The following TMEM272 variants were observed in gnomAD, a reference collection of about 807,000 sequenced individuals.
TMEM272 encodes the protein transmembrane protein 272.
TMEM272 carries 8 observed loss-of-function variants against 3.7 expected under a neutral mutation model. That is an observed-to-expected ratio of 2.17 (90% CI 1.27 to 3.91). TMEM272 has a LOEUF of 3.91. Ranked by LOEUF, TMEM272 falls within the 30% of genes most tolerant of loss-of-function variation. The pLI, the probability that TMEM272 is intolerant of heterozygous loss-of-function variation, is 0.00. For missense variants in TMEM272, 166 were observed against 91.5 expected, an observed-to-expected ratio of 1.81 and a Z score of -3.32; for synonymous variants, 63 against 39.8, an observed-to-expected ratio of 1.58 and a Z score of -2.20.
chr13:51,859,789 C>G, the TMEM272 span, among the ~76,000 whole-genome samples: 1 of 152,040 alleles, frequency 6.6e-6, no homozygotes, highest in Non-Finnish European at 1.5e-5. Flanking sequence ...TTTTAAGTGT[C>G]CAACTTCAAC....
chr13:51,848,873 T>C (rs1004182696), upstream of TMEM272, among the ~76,000 whole-genome samples: 4 of 152,150 alleles, frequency 2.6e-5, no homozygotes, highest in Non-Finnish European at 5.9e-5. Flanking sequence ...CCCAACAAAT[T>C]AGTTCTATGT....
At chr13:51,882,801 AT>A in the TMEM272 span, among the ~76,000 whole-genome samples, 1 of 152,220 alleles carries the variant, frequency 6.6e-6, no homozygotes, top group African/African-American at 2.4e-5. Flanking sequence ...GGCCAAAAAA[AT>A]AAACACAGTT....
At chr13:51,833,799 A>C (rs1294618947) in intron 2 of TMEM272, among the ~76,000 whole-genome samples, 2 of 152,216 alleles carry the variant, frequency 1.3e-5, no homozygotes, top group African/African-American at 4.8e-5. Flanking sequence ...ACCCTTCCAC[A>C]ATACTGATGT....
In TMEM272 at chr13:51,835,503, C is replaced by T. The variant is rs541581400; in HGVS notation, c.58+2970G>A. ...TCTCCCAAAGTGCTGGGATTACAGG[C>T]GTGAGCCACTGCACCCGGCCAAAAC... is the stretch of plus-strand genomic sequence containing the variant. On this transcript the variant is annotated intron_variant, in intron 2 of 4. Coordinates refer to ENST00000629372, the MANE Select transcript of TMEM272 (RefSeq NM_001351003.2). 7.9e-5 allele frequency among the ~76,000 whole-genome samples: 12 copies of T among 152,252 alleles called. No individual in the cohort carries two copies. In the South Asian group the frequency reaches 2.5e-3, roughly 32 times the overall value.
Position 51,836,539 on chromosome 13 carries a change from G to C in TMEM272, c.58+1934C>G, listed in dbSNP as rs532361443. Among the ~76,000 whole-genome samples, 79 of 152,254 alleles carry C rather than the reference G, an allele frequency of 5.2e-4. No homozygotes were observed. In the South Asian group the frequency reaches 0.016, roughly 30 times the overall value. Reference sequence around the variant, plus strand: ...GATGTTCCCTTGTGTTTGGACAAAGGCTGTGCATTCTTGGCTGGATTACTG... The same window carrying C: ...GATGTTCCCTTGTGTTTGGACAAAGCCTGTGCATTCTTGGCTGGATTACTG... On this transcript the variant is annotated intron_variant, in intron 2 of 4. Transcript: ENST00000629372.
chr13:51,843,297 T>C (rs1027586672), intron 1 of TMEM272, among the ~76,000 whole-genome samples: 5 of 152,208 alleles, frequency 3.3e-5, no homozygotes, highest in African/African-American at 7.2e-5. Flanking sequence ...AATCTGCTTT[T>C]TGATTCACAG....
chr13:51,830,978 AAAGTCTAATGAGGCTCACTCTTGCTCG>A (rs1956168705), intron 2 of TMEM272, among the ~76,000 whole-genome samples: 2 of 151,346 alleles, frequency 1.3e-5, no homozygotes, highest in East Asian at 1.9e-4. Flanking sequence ...ACTCTTGCTT[AAAGTCTAATGAGGCTCACTCTTGCTCG>A]AAGTCTAATG....
the TMEM272 span, among the ~76,000 whole-genome samples, chr13:51,929,317 G>A: frequency 6.6e-6 from 1 of 152,202 alleles, no homozygotes; most frequent in Non-Finnish European, 1.5e-5. Context: ...ATGCATATCT[G>A]AGGCTCTAAA....
intron 2 of TMEM272, among the ~76,000 whole-genome samples, chr13:51,836,281 T>C (rs1956216004): frequency 6.6e-6 from 1 of 152,224 alleles, no homozygotes; most frequent in Non-Finnish European, 1.5e-5. Flanking sequence ...CGGCCTCTCA[T>C]TCTTGGACTT....
the TMEM272 span, chr13:51,908,795 T>C: frequency 6.2e-6 from 9 of 1,440,978 alleles, no homozygotes; most frequent in East Asian, 6.8e-5. Flanking sequence ...CAGGATATGA[T>C]TGTCCTGGTG....
At chr13:51,896,258 C>T in the TMEM272 span, among the ~76,000 whole-genome samples, 7 of 152,184 alleles carry the variant, frequency 4.6e-5, no homozygotes, top group African/African-American at 1.7e-4. Context: ...CCATCGGGGA[C>T]AGCTTGGTGA....
Position 51,816,313 on chromosome 13 carries a change from T to G in TMEM272, c.*438A>C. The G allele has an allele frequency of 1.2e-5, 2 of 161,954 alleles. No individual in the cohort carries two copies. Among genetic ancestry groups the G allele is most frequent in the South Asian group, 1.7e-4 (1 of 5,872 alleles). The allele number at this position is 161,954 out of a possible 1,614,324, so 10.0% of individuals were successfully genotyped here. A position where few individuals can be genotyped will look rare whatever the true frequency, so the allele number is the denominator to read the frequency against. On this transcript the variant is annotated 3_prime_UTR_variant, in exon 5 of 5. Coordinates refer to ENST00000629372, the MANE Select transcript of TMEM272 (RefSeq NM_001351003.2). ...GCGAGTGAAGTTAAGATATATCTTGTGTGAAAGTCTGTGCACTTTCTATAA... is the reference window on the plus strand; with the variant it reads ...GCGAGTGAAGTTAAGATATATCTTGGGTGAAAGTCTGTGCACTTTCTATAA...
the TMEM272 span, among the ~76,000 whole-genome samples, chr13:51,910,824 C>A: frequency 6.6e-6 from 1 of 152,206 alleles, no homozygotes; most frequent in Non-Finnish European, 1.5e-5. Context: ...CACCCCAGCC[C>A]CCTTGTTACA....
chr13:51,848,037 G>A (rs1956314873), upstream of TMEM272, among the ~76,000 whole-genome samples: 1 of 152,168 alleles, frequency 6.6e-6, no homozygotes, highest in Admixed American at 6.5e-5. Context: ...GACTCCAAAG[G>A]TAATGATAAA....
At chr13:51,871,125 C>G in the TMEM272 span, among the ~76,000 whole-genome samples, 1 of 152,062 alleles carries the variant, frequency 6.6e-6, no homozygotes, top group Non-Finnish European at 1.5e-5. Context: ...CTTGGACCAT[C>G]CCCACCCACA....
the TMEM272 span, among the ~76,000 whole-genome samples, chr13:51,887,317 T>C: frequency 2.6e-5 from 4 of 152,332 alleles, no homozygotes; most frequent in South Asian, 4.1e-4. Flanking sequence ...AGCAATTACC[T>C]GAGCACTGCT....
At chr13:51,924,272 G>A in the TMEM272 span, among the ~76,000 whole-genome samples, 6 of 152,214 alleles carry the variant, frequency 3.9e-5, no homozygotes, top group South Asian at 1.2e-3. Flanking sequence ...CACCCCCTCA[G>A]GCCTGGCTTA....
At chr13:51,822,528 G>T (rs951324437) in intron 3 of TMEM272, among the ~76,000 whole-genome samples, 4 of 152,168 alleles carry the variant, frequency 2.6e-5, no homozygotes, top group Non-Finnish European at 5.9e-5. Context: ...CTTAAAATAA[G>T]GTTCAATTTA....
the TMEM272 span, among the ~76,000 whole-genome samples, chr13:51,871,311 C>T: frequency 6.6e-6 from 1 of 152,022 alleles, no homozygotes; most frequent in Non-Finnish European, 1.5e-5. Context: ...CTGCCTCAGC[C>T]TCCCGAGTAG....
Sources: gnomAD v4.1 joint callset for allele counts (sites outside exome capture counted in the v4.1 genomes callset) on GRCh38, gnomAD v4.1.1 for gene constraint, MANE v1.5 for transcripts, NCBI Gene and HGNC (gene_info 2026-07-23, HGNC 2026-07-21) for gene names.